PRKCZ: variants seen among roughly 807,000 people sequenced by gnomAD.
PRKCZ encodes protein kinase C zeta type.
Under a neutral mutation model 79.5 loss-of-function variants are expected in PRKCZ, and 33 were observed. The observed-to-expected ratio is 0.41, with a 90% CI of 0.31 to 0.55. The LOEUF (loss-of-function observed/expected upper bound fraction) is 0.55. Among genes scored for constraint, PRKCZ ranks in the 20% least tolerant of loss-of-function variants. PRKCZ has a pLI of 0.19. For missense variants in PRKCZ, 578 were observed against 813.5 expected (o/e 0.71, Z 3.52); for synonymous variants, 342 against 320.9 (o/e 1.07, Z -0.70).
chr1:2,054,760 C>T (rs1175980688), intron 1 of PRKCZ, among the ~76,000 whole-genome samples: 3 of 152,046 alleles, frequency 2.0e-5, no homozygotes, highest in Non-Finnish European at 2.9e-5. Flanking sequence ...CGGCCTGCAC[C>T]GACCCGGCTC....
At chr1:2,152,509 G>T (rs1186807532) in intron 9 of PRKCZ, among the ~76,000 whole-genome samples, 3 of 152,192 alleles carry the variant, frequency 2.0e-5, no homozygotes, top group Non-Finnish European at 4.4e-5. Flanking sequence ...TCCAGTCTGG[G>T]CGACCAAATG....
intron 4 of PRKCZ, among the ~76,000 whole-genome samples, chr1:2,069,896 G>A (rs964524479): frequency 6.6e-6 from 1 of 152,200 alleles, no homozygotes; most frequent in African/African-American, 2.4e-5. Context: ...CATGGGACAG[G>A]GTGGTCCCCA....
chr1:2,135,424 A>T (rs918354617), intron 5 of PRKCZ, 77 bp downstream of exon 5: 11 of 1,348,258 alleles, frequency 8.2e-6, no homozygotes, highest in Non-Finnish European at 1.1e-5. Flanking sequence ...GAGGGGAGGC[A>T]CGTCCCGCTG....
rs112277867 is a variant in PRKCZ at position 2,182,794 on chromosome 1, C to T, written c.1576-1789C>T. 1,444 of 154,452 alleles carry T rather than the reference C, an allele frequency of 9.3e-3. 34 individuals are homozygous for T. Among genetic ancestry groups the T allele is most frequent in the African/African-American group, 0.032 (1,347 of 41,546 alleles). The allele number at this position is 154,452 out of a possible 1,614,324, so 9.6% of individuals were successfully genotyped here. A position where few individuals can be genotyped will look rare whatever the true frequency, so the allele number is the denominator to read the frequency against. ...GGTACAGGAGCACACACCTAAGGGG[C>T]GGGCCAGTGAATGAGTGTGCGAGGG... On this transcript the variant is annotated intron_variant, in intron 16 of 17. Coordinates refer to ENST00000378567, the MANE Select transcript of PRKCZ (RefSeq NM_002744.6).
Position 2,184,564 on chromosome 1 carries a change from C to T in PRKCZ, c.1576-19C>T. On this transcript the variant is annotated intron_variant, in intron 16 of 17. Transcript: ENST00000378567. ...TGATGCCCGCGCGGAGCTGACCCTT[C>T]TCCTATTGTTTTTCCAAGCTGGAGA... The T allele has an allele frequency of 6.2e-7, 1 of 1,606,242 alleles. No individual in the cohort carries two copies. Among genetic ancestry groups the T allele is most frequent in the Non-Finnish European group, 8.5e-7 (1 of 1,173,908 alleles).
At chr1:2,052,742 C>T (rs1659798636) in intron 1 of PRKCZ, among the ~76,000 whole-genome samples, 1 of 152,336 alleles carries the variant, frequency 6.6e-6, no homozygotes, top group Middle Eastern at 3.4e-3. Flanking sequence ...CAGAAAGCGG[C>T]TGCCAGGATG....
At position 2,121,543 on chromosome 1, in the gene PRKCZ, TATCA is replaced by T. The variant is rs1671927304; in HGVS notation, c.335-13718_335-13715del. ...AAGGTCATGGCAGTAGTTAGGGTTATATCAGTAGTTAGGGCTATGGCTGTAGTTA... is the reference window on the plus strand; with the variant it reads ...AAGGTCATGGCAGTAGTTAGGGTTATGTAGTTAGGGCTATGGCTGTAGTTA... On this transcript the variant is annotated intron_variant, in intron 4 of 17. Coordinates refer to ENST00000378567, the MANE Select transcript of PRKCZ (RefSeq NM_002744.6). 3.7e-3 allele frequency among the ~76,000 whole-genome samples: 47 copies of T among 12,728 alleles called. 3 individuals carry two copies. The highest frequency in any genetic ancestry group is 0.018 in the African/African-American group (44 of 2,492). 8.4% of individuals were successfully genotyped at this position (12,728 alleles called of 152,430 possible).
At chr1:2,135,381 G>A (rs761689370) in intron 5 of PRKCZ, 34 bp downstream of exon 5, 3 of 1,547,264 alleles carry the variant, frequency 1.9e-6, no homozygotes, top group Non-Finnish European at 2.6e-6. Flanking sequence ...TCCCTCAAGG[G>A]GCCTTTTGTT....
At chr1:2,118,756 A>AGT (rs954716869) in intron 4 of PRKCZ, among the ~76,000 whole-genome samples, 3 of 127,004 alleles carry the variant, frequency 2.4e-5, no homozygotes, top group South Asian at 2.4e-4. Flanking sequence ...TGTGTGTGTG[A>AGT]GATGAGGGGA....
intron 4 of PRKCZ, among the ~76,000 whole-genome samples, chr1:2,062,239 G>T (rs1049469774): frequency 6.6e-6 from 1 of 151,986 alleles, no homozygotes; most frequent in Non-Finnish European, 1.5e-5. Context: ...AGGGAACCCC[G>T]TGCCCGTCAT....
chr1:2,093,241 G>A (rs1024025071), intron 4 of PRKCZ, among the ~76,000 whole-genome samples: 8 of 152,282 alleles, frequency 5.3e-5, no homozygotes, highest in African/African-American at 9.6e-5. Context: ...GGTGCATGGT[G>A]TGGTCAGGTG....
chr1:2,055,568 C>G lies in PRKCZ; in HGVS notation c.193+6C>G. 6.2e-7 allele frequency: 1 copy of G among 1,611,592 alleles called. No individual in the cohort carries two copies. Among genetic ancestry groups the G allele is most frequent in the Non-Finnish European group, 8.5e-7 (1 of 1,178,746 alleles). ...CAAGTGGGTGGACAGCGAAGGTAGC[C>G]CTTGTCCCATGTTGGCCAGAATCCT... On this transcript the variant is annotated splice_donor_region_variant and intron_variant, in intron 2 of 17. Transcript: ENST00000378567.
In PRKCZ at chr1:2,174,290, C is replaced by T. The variant is rs1685026692; in HGVS notation, c.1405+274C>T. 6.6e-6 allele frequency among the ~76,000 whole-genome samples: 1 copy of T among 152,190 alleles called. No individual in the cohort carries two copies. Among genetic ancestry groups the T allele is most frequent in the African/African-American group, 2.4e-5 (1 of 41,454 alleles). On this transcript the variant is annotated intron_variant, in intron 14 of 17. Coordinates refer to ENST00000378567, the MANE Select transcript of PRKCZ (RefSeq NM_002744.6). The surrounding 1 kb of genome is among the most constrained non-coding windows in gnomAD (Gnocchi z 6.2). ...TGGCCAGCAGCACATGCTGGAGCCC[C>T]AGCATGTCCTTGACCGAGGCTGTAC...
intron 10 of PRKCZ, among the ~76,000 whole-genome samples, chr1:2,163,687 A>C (rs890915283): frequency 1.3e-5 from 2 of 151,906 alleles, no homozygotes; most frequent in Non-Finnish European, 2.9e-5. Context: ...TCAGGAGATC[A>C]AGACCATCCT....
chr1:2,169,447 G>GT (rs1557728384), intron 10 of PRKCZ, 71 bp from the exon 11 acceptor site: 1 of 1,385,676 alleles, frequency 7.2e-7, no homozygotes, highest in Non-Finnish European at 1.0e-6. Flanking sequence ...GGCCGCTTCT[G>GT]TGGGGCTTCT....
intron 4 of PRKCZ, among the ~76,000 whole-genome samples, chr1:2,117,362 T>C (rs534726549): frequency 7.1e-6 from 1 of 141,720 alleles, no homozygotes; most frequent in African/African-American, 2.5e-5. Flanking sequence ...CGTATTACTT[T>C]TACAGTTTTT....
intron 4 of PRKCZ, among the ~76,000 whole-genome samples, chr1:2,114,274 T>G (rs1670315352): frequency 2.0e-5 from 3 of 152,112 alleles, no homozygotes; most frequent in African/African-American, 7.2e-5. Flanking sequence ...TTAATACAGG[T>G]AGCCCAAGCA....
At chr1:2,095,775 C>T (rs552379411) in intron 4 of PRKCZ, among the ~76,000 whole-genome samples, 173 of 144,256 alleles carry the variant, frequency 1.2e-3, no homozygotes, top group African/African-American at 4.4e-3. Context: ...CTCCCCTCCT[C>T]TTCCCTCCTC....
chr1:2,138,672 A>G (rs1676718954), intron 5 of PRKCZ, among the ~76,000 whole-genome samples: 1 of 152,182 alleles, frequency 6.6e-6, no homozygotes, highest in Admixed American at 6.5e-5. Flanking sequence ...GCAGTGGCTC[A>G]CGCCTGTAAT....
Sources: allele counts gnomAD v4.1 joint callset (sites outside exome capture counted in the v4.1 genomes callset), GRCh38; gene constraint gnomAD v4.1.1; non-coding constraint Gnocchi (gnomAD v3.1); transcripts MANE v1.5; gene names NCBI Gene and HGNC (gene_info 2026-07-23, HGNC 2026-07-21).